Variants in LILRA6 observed in about 807,000 individuals in gnomAD.
LILRA6 encodes the protein leukocyte immunoglobulin-like receptor subfamily A member 6.
In LILRA6, 16 loss-of-function variants were observed where a neutral mutation model predicts 53.9. The ratio of observed to expected loss-of-function variants is 0.30; its 90% CI spans 0.20 to 0.45. LILRA6 has a LOEUF of 0.45. Among genes scored for constraint, LILRA6 ranks in the 20% least tolerant of loss-of-function variants. The probability of loss-of-function intolerance (pLI) is 1.00; values close to 1 mark genes in which losing one functional copy is unlikely to be tolerated. For synonymous variants in LILRA6, 135 were observed against 256.4 expected, an observed-to-expected ratio of 0.53 and a Z score of 4.52; for missense variants, 306 against 618.6, an observed-to-expected ratio of 0.49 and a Z score of 5.36.
exon 3 of LILRA6, chr19:54,242,111 C>A: frequency 7.2e-7 from 1 of 1,392,572 alleles, no homozygotes; most frequent in Non-Finnish European, 9.7e-7. Context: ...CCGCATGGTG[C>A]TCTGTTATGG....
intron 7 of LILRA6, chr19:54,239,414 A>C: frequency 6.1e-6 from 4 of 652,142 alleles, no homozygotes; most frequent in Non-Finnish European, 9.8e-6. Context: ...TCTCCTCATG[A>C]AACTATTTCA....
chr19:54,241,275 C>T, intron 4 of LILRA6, 148 bp from the exon 5 acceptor site: 2 of 1,220,118 alleles, frequency 1.6e-6, no homozygotes, highest in South Asian at 1.7e-5. Flanking sequence ...GTCTTGGAGT[C>T]ATTTCAGAGG....
At chr19:54,241,802 A>C in exon 4 of LILRA6, 1 of 1,329,800 alleles carries the variant, frequency 7.5e-7, no homozygotes, top group Non-Finnish European at 1.0e-6. Flanking sequence ...TCTGTGAGCC[A>C]CATTGGAGGG....
intron 7 of LILRA6, chr19:54,239,488 G>A: frequency 1.6e-6 from 1 of 642,998 alleles, no homozygotes; most frequent in Non-Finnish European, 2.6e-6. Context: ...CCATGGGCTG[G>A]ATTCTCCACC....
At chr19:54,238,896 A>C (rs1338139484) in exon 8 of LILRA6, 1 of 1,593,502 alleles carries the variant, frequency 6.3e-7, no homozygotes, top group East Asian at 2.3e-5. Flanking sequence ...TTCTGGGATC[A>C]TCAGATCTGT....
At chr19:54,239,613 G>A (rs1357200855) in intron 7 of LILRA6, 4 of 1,178,240 alleles carry the variant, frequency 3.4e-6, no homozygotes, top group Non-Finnish European at 4.7e-6. Context: ...CGAGCTCCAG[G>A]GAGTCACTGG....
intron 7 of LILRA6, 70 bp downstream of exon 7, chr19:54,239,831 G>A (rs1185540301): frequency 6.4e-7 from 1 of 1,550,756 alleles, no homozygotes; most frequent in Non-Finnish European, 8.7e-7. Flanking sequence ...GGGGAGGGGA[G>A]TGGGATCCTT....
chr19:54,240,309 G>C (rs758595781), exon 6 of LILRA6: 6 of 1,603,450 alleles, frequency 3.7e-6, no homozygotes, highest in Non-Finnish European at 1.7e-6. Flanking sequence ...ACTGGGGAAA[G>C]ACAGCAGGTG....
Position 54,241,895 on chromosome 19 carries a change from C to A in LILRA6, c.356-17G>T. 7.8e-7 allele frequency: 1 copy of A among 1,289,718 alleles called. No homozygotes were observed. The allele number at this position is 1,289,718 out of a possible 1,614,324, so 79.9% of individuals were successfully genotyped here. ...TATAGGCTCCTAGGAGAGAAAGAGG[C>A]ACCATGTTAAATGGGGCTCCCACCT... is the stretch of plus-strand genomic sequence containing the variant. On this transcript the variant is annotated splice_polypyrimidine_tract_variant and intron_variant, in intron 3 of 7. Transcript: ENST00000396365.
chr19:54,239,058 A>G lies in LILRA6; in HGVS notation c.1341T>C (p.Asn447=), dbSNP rs1323577082. The change falls in exon 8 of 8, where the codon AAT becomes AAC. Residue 447 remains asparagine, a synonymous_variant. Transcript: ENST00000396365. ...AGCCTGCCATGCCCATGCGGATGAG[A>G]TTCTCCACTGTGTAATCCTTGGCGT... 5.6e-6 allele frequency: 9 copies of G among 1,611,360 alleles called. No homozygotes were observed. The South Asian group carries it at 9.9e-5, about 18-fold the overall frequency.
chr19:54,241,366 C>T lies in LILRA6; in HGVS notation c.658+210G>A, dbSNP rs1480753237. ...AGCTGGGACCTCACAGCAAACACAC[C>T]GATGCCTTCCTGAGTCCTCCCCGTT... On this transcript the variant is annotated intron_variant, in intron 4 of 7. Coordinates refer to ENST00000396365, the Ensembl canonical transcript of LILRA6. 1.6e-5 allele frequency: 17 copies of T among 1,054,234 alleles called. 3 individuals carry two copies. Among genetic ancestry groups the T allele is most frequent in the African/African-American group, 4.0e-5 (2 of 50,038 alleles). The allele number at this position is 1,054,234 out of a possible 1,614,324, so 65.3% of individuals were successfully genotyped here. A position where few individuals can be genotyped will look rare whatever the true frequency, so the allele number is the denominator to read the frequency against.
downstream of LILRA6, chr19:54,238,306 G>A (rs1407055165): frequency 1.3e-5 from 2 of 150,998 alleles, no homozygotes; most frequent in African/African-American, 5.0e-5. Context: ...AAAGTGCTGG[G>A]ATTACAGGCA....
chr19:54,239,637 G>T (rs1384682946), intron 7 of LILRA6: 2 of 1,432,704 alleles, frequency 1.4e-6, no homozygotes, highest in African/African-American at 3.0e-5. Flanking sequence ...GACCCTGGGG[G>T]GTTGAGGGGC....
chr19:54,239,316 T>C, intron 7 of LILRA6: 5 of 1,358,008 alleles, frequency 3.7e-6, no homozygotes, highest in Non-Finnish European at 4.9e-6. Flanking sequence ...CCCTGGGCTC[T>C]GCGTTCTTAT....
exon 4 of LILRA6, chr19:54,241,633 T>A: frequency 2.7e-6 from 4 of 1,497,376 alleles, no homozygotes; most frequent in Middle Eastern, 1.9e-4. Flanking sequence ...GGGGTGTTCA[T>A]ATAATAGTAA....
chr19:54,239,482 G>T (rs899018121), intron 7 of LILRA6: 1 of 634,692 alleles, frequency 1.6e-6, no homozygotes. Context: ...TCCCTCCCAT[G>T]GGCTGGATTC....
downstream of LILRA6, chr19:54,237,992 T>C (rs7257398): frequency 0.39 from 57,422 of 147,912 alleles, 8,110 homozygotes; most frequent in African/African-American, 0.53. Context: ...GTTCTGTGCT[T>C]TGTGTTCATA....
In LILRA6 at chr19:54,240,937, C is replaced by CA. The variant is rs2078745122; in HGVS notation, c.848dup (p.Val286CysfsTer38). On this transcript the variant is annotated frameshift_variant, in exon 5 of 8. Coordinates refer to ENST00000396365, the Ensembl canonical transcript of LILRA6. LOFTEE classifies it high-confidence loss of function. ...CCCCGTGGGAGGGGCTCACAGGGCC[C>CA]AGGGTGAAGTTGGCCTGGGAGAGCC... 6.2e-7 allele frequency: 1 copy of CA among 1,613,952 alleles called. No individual in the cohort carries two copies. The highest frequency in any genetic ancestry group is 8.5e-7 in the Non-Finnish European group (1 of 1,180,046).
chr19:54,239,764 C>A (rs111731545), intron 7 of LILRA6, 137 bp downstream of exon 7: 2 of 1,544,490 alleles, frequency 1.3e-6, no homozygotes, highest in Admixed American at 3.9e-5. Flanking sequence ...CTGCCTTGAA[C>A]CCCCCACTCT....
Sources: gnomAD v4.1 joint callset for allele counts on GRCh38, gnomAD v4.1.1 for gene constraint, MANE v1.5 for transcripts, NCBI Gene and HGNC (gene_info 2026-07-23, HGNC 2026-07-21) for gene names.